RPTOR: variants seen among roughly 807,000 people sequenced by gnomAD.
RPTOR encodes regulatory associated protein of MTOR complex 1.
In RPTOR, 21 loss-of-function variants were observed where a neutral mutation model predicts 169.9. That is an observed-to-expected ratio of 0.12 (90% confidence interval 0.09 to 0.18). The LOEUF (loss-of-function observed/expected upper bound fraction) is 0.18, where lower values mean the gene tolerates loss of function less well. Among genes scored for constraint, RPTOR ranks in the 10% least tolerant of loss-of-function variants. The probability of loss-of-function intolerance (pLI) is 1.00; values close to 1 mark genes in which losing one functional copy is unlikely to be tolerated. For synonymous variants in RPTOR, 732 were observed against 753.2 expected (o/e 0.97, Z 0.46); for missense variants, 1,133 against 1,855.9 (o/e 0.61, Z 7.16).
chr17:80,639,875 T>C (rs1028218198), intron 2 of RPTOR, among the ~76,000 whole-genome samples: 30 of 152,140 alleles, frequency 2.0e-4, no homozygotes, highest in African/African-American at 7.2e-4. Flanking sequence ...TGGAGAGGTT[T>C]AAAAAGAAAA....
chr17:80,705,296 T>G (rs1246729519), intron 3 of RPTOR, among the ~76,000 whole-genome samples: 3 of 152,248 alleles, frequency 2.0e-5, no homozygotes, highest in East Asian at 1.9e-4. Flanking sequence ...GAGGAGACAC[T>G]GAGAGGGGAG....
At chr17:80,560,706 C>T (rs2084474164) in intron 1 of RPTOR, among the ~76,000 whole-genome samples, 1 of 152,170 alleles carries the variant, frequency 6.6e-6, no homozygotes, top group Non-Finnish European at 1.5e-5. Context: ...TGGGAGCCGC[C>T]TCATGCCCAC....
At chr17:80,608,128 ACT>A (rs1326076177) in intron 1 of RPTOR, among the ~76,000 whole-genome samples, 4 of 151,706 alleles carry the variant, frequency 2.6e-5, no homozygotes, top group Admixed American at 6.6e-5. Context: ...AGAGTGATAG[ACT>A]CTCTCATTTT....
At chr17:80,723,992 A>T (rs1360307351) in intron 4 of RPTOR, among the ~76,000 whole-genome samples, 1 of 151,402 alleles carries the variant, frequency 6.6e-6, no homozygotes, top group Admixed American at 6.6e-5. Context: ...CTAAGCAGGG[A>T]TGTTTAGTTT....
At chr17:80,777,547 G>T (rs1276624615) in intron 6 of RPTOR, among the ~76,000 whole-genome samples, 2 of 145,762 alleles carry the variant, frequency 1.4e-5, no homozygotes, top group East Asian at 2.0e-4. Flanking sequence ...GGCCTTTGTT[G>T]TTTTTTTTTT....
chr17:80,905,054 T>C (rs550260006), intron 20 of RPTOR, among the ~76,000 whole-genome samples: 1 of 152,258 alleles, frequency 6.6e-6, no homozygotes, highest in South Asian at 2.1e-4. Context: ...CGACGCTCAG[T>C]CCTGCTAGGA....
In RPTOR at chr17:80,651,237, A is replaced by G. The variant is rs1375533552; in HGVS notation, c.348+7427A>G. Among the ~76,000 whole-genome samples, 1 of 152,180 alleles carries G rather than the reference A, an allele frequency of 6.6e-6. No individual in the cohort carries two copies. ...AGTGGAAGGTGTGATGTGTTAAAGA[A>G]TGGAAAGCTAAATTTGGAGGTGACG... On this transcript the variant is annotated intron_variant, in intron 3 of 33. Coordinates refer to ENST00000306801, the MANE Select transcript of RPTOR (RefSeq NM_020761.3). The surrounding 1 kb of genome is among the most constrained non-coding windows in gnomAD (Gnocchi z 4.1).
intron 12 of RPTOR, 69 bp downstream of exon 12, chr17:80,855,616 C>T (rs1378394053): frequency 3.3e-6 from 4 of 1,205,356 alleles, no homozygotes; most frequent in Non-Finnish European, 4.9e-6. Flanking sequence ...GTGTTTCAGT[C>T]TGTGCACGTA....
rs146700639 is a variant in RPTOR, at chr17:80,598,869, C to T, written c.163-26822C>T. On this transcript the variant is annotated intron_variant, in intron 1 of 33. Transcript: ENST00000306801. ...GCTTGTATTGCTTATTGACCTTAAA[C>T]TTTCTTGATTCTTTCTATCTATCTA... Among the ~76,000 whole-genome samples, 215 of 143,202 alleles carry T rather than the reference C, an allele frequency of 1.5e-3. 1 individual carries two copies. The highest frequency in any genetic ancestry group is 3.6e-3 in the Middle Eastern group (1 of 280). 93.9% of individuals were successfully genotyped at this position (143,202 alleles called of 152,430 possible).
At chr17:80,838,530 T>A (rs970241138) in intron 10 of RPTOR, among the ~76,000 whole-genome samples, 1 of 152,244 alleles carries the variant, frequency 6.6e-6, no homozygotes, top group Non-Finnish European at 1.5e-5. Flanking sequence ...GACCCCCTCG[T>A]GGTTTCTTAA....
At chr17:80,924,333 C>A (rs1474643526) in intron 23 of RPTOR, among the ~76,000 whole-genome samples, 4 of 152,144 alleles carry the variant, frequency 2.6e-5, no homozygotes, top group Non-Finnish European at 5.9e-5. Flanking sequence ...GCGCACCCAG[C>A]ACACCCAGCT....
At chr17:80,789,896 A>C (rs2067030021) in intron 6 of RPTOR, among the ~76,000 whole-genome samples, 1 of 152,252 alleles carries the variant, frequency 6.6e-6, no homozygotes, top group Non-Finnish European at 1.5e-5. Flanking sequence ...AGTCTGATAT[A>C]AGTGATTCTG....
chr17:80,625,889 G>A (rs1400426654), intron 2 of RPTOR, 96 bp downstream of exon 2: 4 of 798,784 alleles, frequency 5.0e-6, no homozygotes, highest in East Asian at 2.4e-5. Context: ...CCAGGGGCCC[G>A]TCTCCAGCTG....
chr17:80,661,391 C>T (rs1421168278), intron 3 of RPTOR, among the ~76,000 whole-genome samples: 2 of 152,176 alleles, frequency 1.3e-5, no homozygotes, highest in African/African-American at 4.8e-5. Context: ...CAGGCCAGCT[C>T]TCTAGGTCTC....
At chr17:80,781,410 T>C (rs974708890) in intron 6 of RPTOR, among the ~76,000 whole-genome samples, 2 of 152,202 alleles carry the variant, frequency 1.3e-5, no homozygotes, top group South Asian at 2.1e-4. Flanking sequence ...GGTTCCCTTC[T>C]TCCCGGAGGG....
intron 4 of RPTOR, among the ~76,000 whole-genome samples, chr17:80,718,988 G>T (rs2066262174): frequency 6.6e-6 from 1 of 152,206 alleles, no homozygotes; most frequent in African/African-American, 2.4e-5. Flanking sequence ...TCCTAGGACA[G>T]GTGGAGGTTG....
chr17:80,549,759 A>G lies in RPTOR; in HGVS notation c.162+3968A>G, dbSNP rs1461437375. The stretch of plus-strand genomic sequence containing the variant: ...GAGAGCTATTGCTCTGAAAGTGTTG[A>G]CAGACATGCTATGTCTACACACATG... On this transcript the variant is annotated intron_variant, in intron 1 of 33. Transcript: ENST00000306801. Among the ~76,000 whole-genome samples the G allele has an allele frequency of 2.6e-5, 4 of 152,316 alleles. No homozygotes were observed. In the East Asian group the frequency reaches 7.7e-4, roughly 29 times the overall value.
intron 21 of RPTOR, among the ~76,000 whole-genome samples, chr17:80,922,252 G>C (rs554034071): frequency 6.6e-6 from 1 of 152,224 alleles, no homozygotes; most frequent in Admixed American, 6.5e-5. Context: ...GATTCTTCCC[G>C]GGCCTCAACT....
At chr17:80,804,520 CAT>C (rs753672281) in intron 7 of RPTOR, 5 of 152,232 alleles carry the variant, frequency 3.3e-5, no homozygotes, top group African/African-American at 4.8e-5. Context: ...TAAAGCAAAA[CAT>C]AGATCTACAG....
Sources: allele counts gnomAD v4.1 joint callset (sites outside exome capture counted in the v4.1 genomes callset), GRCh38; gene constraint gnomAD v4.1.1; non-coding constraint Gnocchi (gnomAD v3.1); transcripts MANE v1.5; gene names NCBI Gene and HGNC (gene_info 2026-07-23, HGNC 2026-07-21).